Variants in SEPTIN7 observed in about 807,000 individuals in gnomAD.
The protein encoded by SEPTIN7 is septin-7.
A neutral mutation model predicts 63.3 loss-of-function variants in SEPTIN7; 10 were observed. The ratio of observed to expected loss-of-function variants is 0.16; its 90% CI spans 0.10 to 0.27. The LOEUF (loss-of-function observed/expected upper bound fraction) is 0.27. Among genes scored for constraint, SEPTIN7 ranks in the 10% least tolerant of loss-of-function variants. The pLI is 1.00. For missense variants in SEPTIN7, 310 were observed against 521.0 expected (o/e 0.59, Z 3.94); for synonymous variants, 131 against 165.3 (o/e 0.79, Z 1.59).
At chr7:35,913,588 CTTCCTTCCTTCCTTCT>C in the SEPTIN7 span, among the ~76,000 whole-genome samples, 1 of 139,488 alleles carries the variant, frequency 7.2e-6, no homozygotes, top group East Asian at 2.1e-4. Context: ...TCCTTCTTTC[CTTCCTTCCTTCCTTCT>C]TTCCTTCCTT....
intron 3 of SEPTIN7, among the ~76,000 whole-genome samples, chr7:35,839,407 A>T (rs533574549): frequency 6.6e-6 from 1 of 152,216 alleles, no homozygotes; most frequent in Non-Finnish European, 1.5e-5. Context: ...TAATCTCATA[A>T]TAATGCTGCA....
intron 3 of SEPTIN7, among the ~76,000 whole-genome samples, chr7:35,848,316 G>A (rs1226579785): frequency 1.3e-5 from 2 of 152,030 alleles, no homozygotes; most frequent in Non-Finnish European, 2.9e-5. Context: ...CGCCCAGGCT[G>A]GAGTACAGTG....
chr7:35,806,922 A>T (rs1023506273), intron 1 of SEPTIN7, among the ~76,000 whole-genome samples: 4 of 152,212 alleles, frequency 2.6e-5, no homozygotes, highest in African/African-American at 9.6e-5. Context: ...TAGGCCTGGG[A>T]TGGGGCCCTG....
Position 35,801,282 on chromosome 7 carries a change from C to T in SEPTIN7, c.61+12C>T. The T allele has an allele frequency of 1.5e-6, 2 of 1,373,734 alleles. No homozygotes were observed. The highest frequency in any genetic ancestry group is 1.9e-6 in the Non-Finnish European group (2 of 1,069,436). 85.1% of individuals were successfully genotyped at this position (1,373,734 alleles called of 1,614,324 possible). A position where few individuals can be genotyped will look rare whatever the true frequency, so the allele number is the denominator to read the frequency against. On this transcript the variant is annotated intron_variant, in intron 1 of 13. Transcript: ENST00000350320. ...CAGCAGCACCATGGGTGAGTCTCAG[C>T]TTCGGGTGCCGCGACTTGGGGTCAG...
At chr7:35,877,253 A>G (rs1397237972) in intron 6 of SEPTIN7, among the ~76,000 whole-genome samples, 1 of 152,156 alleles carries the variant, frequency 6.6e-6, no homozygotes, top group South Asian at 2.1e-4. Context: ...GCCAGTGTCA[A>G]TTTTCAGGGG....
chr7:35,824,365 A>G (rs772628864), intron 1 of SEPTIN7, among the ~76,000 whole-genome samples: 1 of 151,942 alleles, frequency 6.6e-6, no homozygotes, highest in Non-Finnish European at 1.5e-5. Context: ...AGGTTTGTTT[A>G]GGTGATTATG....
At chr7:35,850,182 A>G (rs1211923106) in intron 3 of SEPTIN7, among the ~76,000 whole-genome samples, 1 of 152,152 alleles carries the variant, frequency 6.6e-6, no homozygotes, top group Non-Finnish European at 1.5e-5. Context: ...GATGACACTA[A>G]TATGTATTTT....
intron 3 of SEPTIN7, among the ~76,000 whole-genome samples, chr7:35,848,185 T>C (rs1784781898): frequency 6.6e-6 from 1 of 152,186 alleles, no homozygotes; most frequent in African/African-American, 2.4e-5. Context: ...AAACTCTTAT[T>C]TTCTTAATTA....
At chr7:35,808,122 T>C (rs970178392) in intron 1 of SEPTIN7, among the ~76,000 whole-genome samples, 6 of 152,118 alleles carry the variant, frequency 3.9e-5, no homozygotes, top group African/African-American at 1.4e-4. Flanking sequence ...CAGCCTGGTT[T>C]TTTTTGTTGT....
At chr7:35,856,394 G>T (rs923501189) in intron 3 of SEPTIN7, among the ~76,000 whole-genome samples, 1 of 152,124 alleles carries the variant, frequency 6.6e-6, no homozygotes. Context: ...AGGACATTGT[G>T]GTTGCTTCCA....
rs1188218903 is a variant in SEPTIN7, at chr7:35,885,867, A to G, written c.860A>G (p.Asn287Ser). 6.2e-7 allele frequency: 1 copy of G among 1,603,006 alleles called. No individual in the cohort carries two copies. Among genetic ancestry groups the G allele is most frequent in the Non-Finnish European group, 8.5e-7 (1 of 1,171,690 alleles). The change falls in exon 10 of 14, where the codon AAT (asparagine) becomes AGT (serine). Residue 287 changes from asparagine (N) to serine (S), a missense_variant. Around this residue, in one of 2 missense-constraint regions of SEPTIN7, gnomAD observed 255 missense variants for 490.5 expected, o/e 0.52. Transcript: ENST00000350320. ...GEHCDFTILR[N>S]MLIRTHMQDL... ...CATTGTGATTTTACAATCCTAAGAAATATGTTGATAAGGTAAGTGCAAGCA... is the reference window on the plus strand; with the variant it reads ...CATTGTGATTTTACAATCCTAAGAAGTATGTTGATAAGGTAAGTGCAAGCA...
intron 4 of SEPTIN7, among the ~76,000 whole-genome samples, chr7:35,866,253 G>T (rs1242377455): frequency 1.3e-5 from 2 of 152,140 alleles, no homozygotes; most frequent in Non-Finnish European, 2.9e-5. Context: ...TTACAGACAG[G>T]GTCAGAGTCA....
intron 1 of SEPTIN7, among the ~76,000 whole-genome samples, chr7:35,819,920 T>TA (rs1789311743): frequency 6.6e-6 from 1 of 152,156 alleles, no homozygotes; most frequent in South Asian, 2.1e-4. Context: ...ATACATTAGT[T>TA]ACATTTAATC....
chr7:35,894,125 CTTTTTTTTT>C (rs35271815), intron 11 of SEPTIN7, among the ~76,000 whole-genome samples: 1 of 135,334 alleles, frequency 7.4e-6, no homozygotes, highest in Non-Finnish European at 1.6e-5. Flanking sequence ...GGAGGGCCGT[CTTTTTTTTT>C]TTTTTTTTCT....
At chr7:35,907,210 A>G (rs1439536833), downstream of SEPTIN7, 1 of 152,200 alleles carries the variant, frequency 6.6e-6, no homozygotes, top group Non-Finnish European at 1.5e-5. Context: ...GGTCCTAGTG[A>G]AGACTGCTGT....
chr7:35,906,710 C>T lies in SEPTIN7; in HGVS notation c.*2417C>T, dbSNP rs1262130823. On this transcript the variant is annotated 3_prime_UTR_variant, in exon 14 of 14. Transcript: ENST00000350320. The stretch of plus-strand genomic sequence containing the variant: ...GTGGGCACAGTTTATTTCTGTGTAG[C>T]TCAGGCTGTAATCTTGAAAGCTGAG... 6.6e-6 allele frequency: 1 copy of T among 152,212 alleles called. No individual in the cohort carries two copies. Among genetic ancestry groups the T allele is most frequent in the Non-Finnish European group, 1.5e-5 (1 of 68,048 alleles). 9.4% of individuals were successfully genotyped at this position (152,212 alleles called of 1,614,324 possible).
rs1203206055 is a variant in SEPTIN7, at chr7:35,803,425, T to C, written c.61+2155T>C. Among the ~76,000 whole-genome samples the C allele has an allele frequency of 2.6e-5, 4 of 152,170 alleles. No homozygotes were observed. In the East Asian group the frequency reaches 7.7e-4, roughly 29 times the overall value. Reference sequence around the variant, plus strand: ...GGGGAGAAGAGGGAGGAAGAAGAGTTACATCTATGGCTTCTAAGGTCTCAG... The same window carrying C: ...GGGGAGAAGAGGGAGGAAGAAGAGTCACATCTATGGCTTCTAAGGTCTCAG... On this transcript the variant is annotated intron_variant, in intron 1 of 13. Coordinates refer to ENST00000350320, the MANE Select transcript of SEPTIN7 (RefSeq NM_001788.6).
At chr7:35,832,371 G>A (rs1783873560) in intron 2 of SEPTIN7, among the ~76,000 whole-genome samples, 1 of 152,018 alleles carries the variant, frequency 6.6e-6, no homozygotes, top group Admixed American at 6.6e-5. Context: ...AGAATCTCAT[G>A]CCTGTGGTAT....
rs150080706 is a variant in SEPTIN7 at position 35,828,290 on chromosome 7, T to G, written c.62-3202T>G. ...CTCTGTAGCATTCAGCATAGTTAAG[T>G]GAATCCTCCATCCCTGAGATGATCT... On this transcript the variant is annotated intron_variant, in intron 1 of 13. Coordinates refer to ENST00000350320, the MANE Select transcript of SEPTIN7 (RefSeq NM_001788.6). Among the ~76,000 whole-genome samples, 247 of 152,326 alleles carry G rather than the reference T, an allele frequency of 1.6e-3. 1 individual carries two copies. In the Middle Eastern group the frequency reaches 0.02, roughly 13 times the overall value.
Sources: allele counts gnomAD v4.1 joint callset (sites outside exome capture counted in the v4.1 genomes callset), GRCh38; gene constraint gnomAD v4.1.1; regional missense constraint gnomAD v4.1.1; transcripts MANE v1.5; gene names NCBI Gene and HGNC (gene_info 2026-07-23, HGNC 2026-07-21).